The following SYCE2 variants were observed in gnomAD, a reference collection of about 807,000 sequenced individuals.
SYCE2 encodes the protein synaptonemal complex central element protein 2.
A neutral mutation model predicts 27.9 loss-of-function variants in SYCE2; 3 were observed. That is an observed-to-expected ratio of 0.11 (90% CI 0.05 to 0.28). The LOEUF (loss-of-function observed/expected upper bound fraction) is 0.28, where lower values mean the gene tolerates loss of function less well. Among genes scored for constraint, SYCE2 ranks in the 10% least tolerant of loss-of-function variants. The pLI is 1.00. For synonymous variants in SYCE2, 85 were observed against 100.7 expected (o/e 0.84, Z 0.93); for missense variants, 207 against 263.5 (o/e 0.79, Z 1.48).
chr19:12,908,525 C>T (rs1403619684), intron 2 of SYCE2, among the ~76,000 whole-genome samples: 6 of 151,990 alleles, frequency 3.9e-5, no homozygotes, highest in Non-Finnish European at 7.4e-5. Flanking sequence ...AGGGTTTCAC[C>T]GTGTTAGCCA....
Position 12,900,067 on chromosome 19 carries a change from T to C in SYCE2, c.549A>G (p.Pro183=). 6.2e-7 allele frequency: 1 copy of C among 1,613,630 alleles called. No individual in the cohort carries two copies. Among genetic ancestry groups the C allele is most frequent in the Non-Finnish European group, 8.5e-7 (1 of 1,179,958 alleles). Residue 183 remains proline, a synonymous_variant, in exon 5 of 6, where the codon CCA becomes CCG. Coordinates refer to ENST00000293695, the MANE Select transcript of SYCE2 (RefSeq NM_001105578.2). ...GPDHSRGKSP[P]RPGNSQPPDV... ...CTGGGGGCTGTGAGTTGCCGGGACG[T>C]GGTGGGGACTTTCCCCTAGAGTGGT...
intron 5 of SYCE2, chr19:12,899,795 G>GA (rs1970793441): frequency 6.3e-7 from 1 of 1,588,372 alleles, no homozygotes; most frequent in South Asian, 1.1e-5. Flanking sequence ...CATTTACCCT[G>GA]AAATAGCAGC....
chr19:12,905,506 T>C (rs1970918313), intron 2 of SYCE2, among the ~76,000 whole-genome samples: 1 of 152,074 alleles, frequency 6.6e-6, no homozygotes, highest in Non-Finnish European at 1.5e-5. Flanking sequence ...TAATTTTTTG[T>C]ATTTTTAGTA....
chr19:12,919,272 C>A lies in SYCE2; in HGVS notation c.-15G>T, dbSNP rs1568441159. ...TGTCGCTCCATTCCGTATTTTCCCG[C>A]CTTCAAGCTCGCACCCTCTGCGCAT... On this transcript the variant is annotated 5_prime_UTR_variant, in exon 1 of 6. Transcript: ENST00000293695. 1 of 1,610,146 alleles carries A rather than the reference C, an allele frequency of 6.2e-7. No individual in the cohort carries two copies.
chr19:12,907,070 C>T (rs1193225633), intron 2 of SYCE2, among the ~76,000 whole-genome samples: 2 of 152,050 alleles, frequency 1.3e-5, no homozygotes, highest in East Asian at 1.9e-4. Context: ...ACCGGTTTGA[C>T]GTCTGATCAG....
At chr19:12,918,937 T>G (rs1456335484) in intron 1 of SYCE2, among the ~76,000 whole-genome samples, 1 of 138,984 alleles carries the variant, frequency 7.2e-6, no homozygotes, top group South Asian at 2.3e-4. Flanking sequence ...GGCGACAGAG[T>G]GATACTTCGT....
At chr19:12,899,706 A>AT in intron 5 of SYCE2, 1 of 1,612,040 alleles carries the variant, frequency 6.2e-7, no homozygotes, top group Admixed American at 1.7e-5. Flanking sequence ...GAAGTCGTTC[A>AT]GATGTGTTCC....
chr19:12,913,573 G>A (rs977103405), intron 2 of SYCE2, among the ~76,000 whole-genome samples: 1 of 152,200 alleles, frequency 6.6e-6, no homozygotes, highest in African/African-American at 2.4e-5. Context: ...GGAAGCTGAT[G>A]AGCCAGTTCC....
chr19:12,899,243 A>C lies in SYCE2; in HGVS notation c.*98T>G, dbSNP rs1599622078. 1.7e-6 allele frequency: 2 copies of C among 1,151,842 alleles called. No homozygotes were observed. Among genetic ancestry groups the C allele is most frequent in the East Asian group, 4.7e-5 (2 of 42,572 alleles). The allele number at this position is 1,151,842 out of a possible 1,614,324, so 71.4% of individuals were successfully genotyped here. A position where few individuals can be genotyped will look rare whatever the true frequency, so the allele number is the denominator to read the frequency against. On this transcript the variant is annotated 3_prime_UTR_variant, in exon 6 of 6. Coordinates refer to ENST00000293695, the MANE Select transcript of SYCE2 (RefSeq NM_001105578.2). ...TTGTTTTTTTCTGCCAAGATGCATT[A>C]TAGAACCATGAAAAACAATTTCTCA...
At chr19:12,912,408 A>G (rs547831434) in intron 2 of SYCE2, among the ~76,000 whole-genome samples, 2 of 148,528 alleles carry the variant, frequency 1.3e-5, no homozygotes, top group East Asian at 3.9e-4. Flanking sequence ...CTTGCTGGTC[A>G]CAAAGCTGCC....
intron 2 of SYCE2, among the ~76,000 whole-genome samples, chr19:12,911,252 C>T (rs1282619446): frequency 2.0e-5 from 3 of 152,092 alleles, no homozygotes; most frequent in Non-Finnish European, 4.4e-5. Context: ...AGATTACAAA[C>T]GTGAGCCACA....
At chr19:12,910,483 G>A (rs557835424) in intron 2 of SYCE2, among the ~76,000 whole-genome samples, 5 of 150,384 alleles carry the variant, frequency 3.3e-5, no homozygotes, top group Admixed American at 6.6e-5. Context: ...AGTCATTCTC[G>A]TGCCCCAGCC....
At chr19:12,904,700 C>T (rs1295712774) in intron 2 of SYCE2, 34 bp from the exon 3 acceptor site, 1 of 1,611,136 alleles carries the variant, frequency 6.2e-7, no homozygotes, top group Non-Finnish European at 8.5e-7. Context: ...AGAAACCTGA[C>T]TTCTCAGAGT....
In SYCE2 at chr19:12,900,441, C is replaced by G. The variant is rs138369038; in HGVS notation, c.495+19G>C. Reference sequence around the variant, plus strand: ...GTCCTCTTCCTCAGGCAGCGCCCCCCCTGTGAGTTTACTCATACCTCAGGC... The same window carrying G: ...GTCCTCTTCCTCAGGCAGCGCCCCCGCTGTGAGTTTACTCATACCTCAGGC... On this transcript the variant is annotated intron_variant, in intron 4 of 5. Transcript: ENST00000293695. 513 of 1,609,358 alleles carry G rather than the reference C, an allele frequency of 3.2e-4. 4 individuals carry two copies. In the East Asian group the frequency reaches 8.3e-3, roughly 26 times the overall value.
Position 12,899,815 on chromosome 19 carries a change from G to A in SYCE2, c.612+189C>T. 1.0e-5 allele frequency: 16 copies of A among 1,581,978 alleles called. No homozygotes were observed. In the South Asian group the frequency reaches 1.6e-4, roughly 15 times the overall value. The stretch of plus-strand genomic sequence containing the variant: ...ACCCTGAAATAGCAGCTTCTCTTGA[G>A]AGGAGAGTGACATGGAAGCAACTCC... On this transcript the variant is annotated intron_variant, in intron 5 of 5. Transcript: ENST00000293695.
chr19:12,907,088 T>C (rs1970947179), intron 2 of SYCE2, among the ~76,000 whole-genome samples: 1 of 152,166 alleles, frequency 6.6e-6, no homozygotes, highest in Non-Finnish European at 1.5e-5. Context: ...CAGTTAGCGG[T>C]TCTGGCCAGG....
At chr19:12,907,145 C>A (rs898167778) in intron 2 of SYCE2, among the ~76,000 whole-genome samples, 1 of 152,166 alleles carries the variant, frequency 6.6e-6, no homozygotes, top group Non-Finnish European at 1.5e-5. Context: ...CAGCCATGTT[C>A]CCGGCACTGA....
chr19:12,901,698 C>G lies in SYCE2; in HGVS notation c.307-1050G>C, dbSNP rs568189194. Among the ~76,000 whole-genome samples, 18 of 152,204 alleles carry G rather than the reference C, an allele frequency of 1.2e-4. No individual in the cohort carries two copies. In the East Asian group the frequency reaches 3.5e-3, roughly 30 times the overall value. Reference sequence around the variant, plus strand: ...TGGCATGATCTTGGCTCACTGCAACCTCCGCCTCCTGGGTTCAAGCGATTC... The same window carrying G: ...TGGCATGATCTTGGCTCACTGCAACGTCCGCCTCCTGGGTTCAAGCGATTC... On this transcript the variant is annotated intron_variant, in intron 3 of 5. Transcript: ENST00000293695.
In SYCE2 at chr19:12,899,349, C is replaced by CA. The variant is rs771517320; in HGVS notation, c.648dup (p.Glu217Ter). On this transcript the variant is annotated frameshift_variant, in exon 6 of 6. Transcript: ENST00000293695. LOFTEE classifies it high-confidence loss of function. The stretch of plus-strand genomic sequence containing the variant: ...GAGTCTCCCGGCAGCTGTCAGCATT[C>CA]ACCATCTCTGTTGGTCTGTACTTCT... 1 of 1,613,980 alleles carries CA rather than the reference C, an allele frequency of 6.2e-7. No individual in the cohort carries two copies. Among genetic ancestry groups the CA allele is most frequent in the East Asian group, 2.2e-5 (1 of 44,890 alleles).
Sources: gnomAD v4.1 joint callset for allele counts (sites outside exome capture counted in the v4.1 genomes callset) on GRCh38, gnomAD v4.1.1 for gene constraint, MANE v1.5 for transcripts, NCBI Gene and HGNC (gene_info 2026-07-23, HGNC 2026-07-21) for gene names.